LRP1B: variants seen among roughly 807,000 people sequenced by gnomAD.
LRP1B encodes the protein LDL receptor related protein 1B.
LRP1B carries 217 observed loss-of-function variants against 556.6 expected under a neutral mutation model. That is an observed-to-expected ratio of 0.39 (90% confidence interval 0.35 to 0.44). The LOEUF (loss-of-function observed/expected upper bound fraction) is 0.44. Ranked by LOEUF, LRP1B falls within the 20% of genes least tolerant of loss-of-function variation. LRP1B has a pLI of 1.00. For synonymous variants in LRP1B, 2,047 were observed against 1,865.8 expected (o/e 1.10, Z -2.50); for missense variants, 5,053 against 5,620.8 (o/e 0.90, Z 3.23).
chr2:141,974,900 G>T (rs1340050146), intron 1 of LRP1B, among the ~76,000 whole-genome samples: 4 of 151,996 alleles, frequency 2.6e-5, no homozygotes, highest in Non-Finnish European at 4.4e-5. Context: ...TTCACAGTTT[G>T]CCCAGACTTC....
chr2:141,621,949 TG>T (rs1304465961), intron 2 of LRP1B, among the ~76,000 whole-genome samples: 2 of 152,192 alleles, frequency 1.3e-5, no homozygotes, highest in Admixed American at 1.3e-4. Context: ...TGGAGTGCAA[TG>T]GAATCATCTC....
chr2:141,362,411 G>A (rs1039051517), intron 3 of LRP1B, among the ~76,000 whole-genome samples: 1 of 152,160 alleles, frequency 6.6e-6, no homozygotes, highest in Non-Finnish European at 1.5e-5. Context: ...CCAGCAGATG[G>A]GCATGGCAGT....
At chr2:140,748,450 A>G (rs1688423794) in intron 35 of LRP1B, among the ~76,000 whole-genome samples, 2 of 112,558 alleles carry the variant, frequency 1.8e-5, no homozygotes, top group South Asian at 5.5e-4. Context: ...TATTATATAT[A>G]TATATACACA....
intron 28 of LRP1B, among the ~76,000 whole-genome samples, chr2:140,850,929 C>T (rs186311910): frequency 6.6e-5 from 10 of 152,134 alleles, no homozygotes; most frequent in Admixed American, 3.3e-4. Flanking sequence ...ATAGTAGTTA[C>T]AGATATTCTA....
At chr2:141,809,771 G>T (rs1217817372) in intron 2 of LRP1B, among the ~76,000 whole-genome samples, 3 of 151,902 alleles carry the variant, frequency 2.0e-5, no homozygotes, top group Non-Finnish European at 2.9e-5. Context: ...AGGAAAATAT[G>T]TTCAATTATT....
intron 66 of LRP1B, among the ~76,000 whole-genome samples, chr2:140,412,701 CTG>C (rs568643431): frequency 4.2e-4 from 64 of 152,066 alleles, no homozygotes; most frequent in African/African-American, 1.5e-3. Flanking sequence ...TCTAATAAAA[CTG>C]AGGCTTATGG....
At chr2:141,371,580 G>A (rs183012643) in intron 3 of LRP1B, among the ~76,000 whole-genome samples, 199 of 152,064 alleles carry the variant, frequency 1.3e-3, no homozygotes, top group African/African-American at 4.6e-3. Context: ...TCTTTGTAGA[G>A]ATCTTTTATA....
At chr2:141,387,006 T>C (rs995968630) in intron 3 of LRP1B, among the ~76,000 whole-genome samples, 18 of 151,982 alleles carry the variant, frequency 1.2e-4, no homozygotes, top group African/African-American at 4.3e-4. Flanking sequence ...ACAGAATATC[T>C]TCTCAAACCA....
intron 1 of LRP1B, among the ~76,000 whole-genome samples, chr2:141,928,944 A>G (rs1016666058): frequency 2.6e-5 from 4 of 152,006 alleles, no homozygotes; most frequent in Admixed American, 6.6e-5. Context: ...CTGATACCAC[A>G]TTGTTAACCT....
intron 25 of LRP1B, among the ~76,000 whole-genome samples, chr2:140,868,860 G>A (rs1215120959): frequency 6.6e-6 from 1 of 152,052 alleles, no homozygotes; most frequent in East Asian, 1.9e-4. Context: ...TCTATGTATA[G>A]TAAATATATA....
intron 25 of LRP1B, among the ~76,000 whole-genome samples, chr2:140,878,451 A>G (rs1693375289): frequency 6.6e-6 from 1 of 152,144 alleles, no homozygotes; most frequent in South Asian, 2.1e-4. Context: ...AAATGGAACA[A>G]AGGTTAATAT....
chr2:140,360,500 A>G (rs1052731939), intron 72 of LRP1B, among the ~76,000 whole-genome samples: 5 of 151,622 alleles, frequency 3.3e-5, no homozygotes, highest in African/African-American at 1.2e-4. Flanking sequence ...AAACAAAATA[A>G]TGTTATTTTG....
In LRP1B at chr2:141,723,360, A is replaced by C. The variant is rs546284236; in HGVS notation, c.205+86919T>G. Among the ~76,000 whole-genome samples the C allele has an allele frequency of 3.3e-5, 5 of 150,182 alleles. No homozygotes were observed. The South Asian group carries it at 1.0e-3, about 31-fold the overall frequency. On this transcript the variant is annotated intron_variant, in intron 2 of 90. Coordinates refer to ENST00000389484, the MANE Select transcript of LRP1B (RefSeq NM_018557.3). ...AGTTTATGAGGCTTTAATATAATTT[A>C]ATATATATTAATTTAATATAGTTGA...
At chr2:141,693,776 C>T (rs1240203982) in intron 2 of LRP1B, among the ~76,000 whole-genome samples, 2 of 151,894 alleles carry the variant, frequency 1.3e-5, no homozygotes, top group East Asian at 1.9e-4. Flanking sequence ...CTTCTCAGTC[C>T]CCTTGGGGTT....
At chr2:141,916,949 G>A (rs780434478) in intron 1 of LRP1B, among the ~76,000 whole-genome samples, 8 of 152,030 alleles carry the variant, frequency 5.3e-5, no homozygotes, top group African/African-American at 1.2e-4. Flanking sequence ...AACAGAAAAC[G>A]AGGCATCATA....
At chr2:142,020,724 T>TA (rs908744097) in intron 1 of LRP1B, among the ~76,000 whole-genome samples, 5 of 151,858 alleles carry the variant, frequency 3.3e-5, no homozygotes, top group South Asian at 2.1e-4. Flanking sequence ...AATAAATAAA[T>TA]AAAAAAAAGC....
At chr2:141,582,529 G>T (rs956383343) in intron 2 of LRP1B, among the ~76,000 whole-genome samples, 4 of 152,076 alleles carry the variant, frequency 2.6e-5, no homozygotes, top group Non-Finnish European at 5.9e-5. Context: ...GAGAAAATGA[G>T]AAATAAATAA....
At chr2:140,386,561 T>G (rs1488305702) in intron 66 of LRP1B, among the ~76,000 whole-genome samples, 2 of 152,214 alleles carry the variant, frequency 1.3e-5, no homozygotes, top group Non-Finnish European at 2.9e-5. Flanking sequence ...GTGTACAGAG[T>G]TTGAACATTA....
intron 31 of LRP1B, among the ~76,000 whole-genome samples, chr2:140,833,464 G>A (rs1691788482): frequency 6.6e-6 from 1 of 152,094 alleles, no homozygotes; most frequent in Non-Finnish European, 1.5e-5. Flanking sequence ...TTTTATTAGT[G>A]TTTCTTAAAT....
Sources: gnomAD v4.1 joint callset for allele counts (sites outside exome capture counted in the v4.1 genomes callset) on GRCh38, gnomAD v4.1.1 for gene constraint, MANE v1.5 for transcripts, NCBI Gene and HGNC (gene_info 2026-07-23, HGNC 2026-07-21) for gene names.